BCAR3: variants seen among roughly 807,000 people sequenced by gnomAD.
BCAR3 encodes breast cancer anti-estrogen resistance protein 3.
BCAR3 carries 37 observed loss-of-function variants against 80.1 expected under a neutral mutation model. The ratio of observed to expected loss-of-function variants is 0.46; its 90% CI spans 0.36 to 0.61. The LOEUF (loss-of-function observed/expected upper bound fraction) is 0.61. Among genes scored for constraint, BCAR3 ranks in the 20% least tolerant of loss-of-function variants. BCAR3 has a pLI of 0.00. For synonymous variants in BCAR3, 389 were observed against 418.9 expected, an observed-to-expected ratio of 0.93 and a Z score of 0.87; for missense variants, 978 against 1,068.2, an observed-to-expected ratio of 0.92 and a Z score of 1.18.
intron 2 of BCAR3, among the ~76,000 whole-genome samples, chr1:93,797,323 G>A (rs1231135841): frequency 6.6e-6 from 1 of 152,168 alleles, no homozygotes; most frequent in Non-Finnish European, 1.5e-5. Flanking sequence ...AGGTTGGTAA[G>A]TATCAACTTT....
chr1:93,648,663 C>T (rs1557639243), intron 2 of BCAR3: 1 of 152,168 alleles, frequency 6.6e-6, no homozygotes, highest in Non-Finnish European at 1.5e-5. Flanking sequence ...CTTCCTAATT[C>T]ATAACAGTAC....
intron 2 of BCAR3, among the ~76,000 whole-genome samples, chr1:93,782,449 G>A (rs1289914606): frequency 6.6e-6 from 1 of 152,238 alleles, no homozygotes; most frequent in African/African-American, 2.4e-5. Context: ...CAGCAGTGCT[G>A]ATACTAAGTG....
chr1:93,646,617 A>G (rs917206104), intron 2 of BCAR3: 4 of 152,206 alleles, frequency 2.6e-5, no homozygotes, highest in African/African-American at 9.7e-5. Flanking sequence ...AAAAAAAAAA[A>G]AAAATTATTG....
intron 6 of BCAR3, 57 bp downstream of exon 6, chr1:93,583,961 G>T: frequency 1.3e-6 from 2 of 1,538,668 alleles, no homozygotes; most frequent in Middle Eastern, 1.7e-4. Context: ...CAGGGTAACA[G>T]CCTGAAGGAA....
chr1:93,583,062 AATTTTC>A, intron 6 of BCAR3, 109 bp from the exon 7 acceptor site: 3 of 1,274,870 alleles, frequency 2.4e-6, no homozygotes, highest in South Asian at 1.5e-5. Flanking sequence ...CTTGGGCTTC[AATTTTC>A]ATTTTCATTT....
chr1:93,846,752 C>CGGGCTCG (rs1655215260), intron 1 of BCAR3: 1 of 404,892 alleles, frequency 2.5e-6, no homozygotes. Flanking sequence ...CCCGGGCGCG[C>CGGGCTCG]GGGCTCGGGG....
intron 2 of BCAR3, among the ~76,000 whole-genome samples, chr1:93,804,412 TATA>T (rs1216434498): frequency 2.0e-5 from 3 of 152,176 alleles, no homozygotes; most frequent in Non-Finnish European, 4.4e-5. Context: ...ATAGAACAAT[TATA>T]ATAATATGCT....
intron 2 of BCAR3, among the ~76,000 whole-genome samples, chr1:93,785,342 A>G (rs1470540441): frequency 1.3e-5 from 2 of 152,138 alleles, no homozygotes; most frequent in African/African-American, 4.8e-5. Flanking sequence ...GGTAACAGGG[A>G]GTGGTGGGGA....
chr1:93,708,960 G>A (rs1318193436), intron 2 of BCAR3, among the ~76,000 whole-genome samples: 2 of 152,226 alleles, frequency 1.3e-5, no homozygotes, highest in East Asian at 1.9e-4. Context: ...TCTAAGCTTC[G>A]GGCTTGCAAA....
intron 2 of BCAR3, among the ~76,000 whole-genome samples, chr1:93,727,987 C>T (rs1650651167): frequency 6.6e-6 from 1 of 152,152 alleles, no homozygotes; most frequent in Non-Finnish European, 1.5e-5. Context: ...AAGACCAAGG[C>T]AGGATTGAAG....
chr1:93,740,690 C>T (rs992329233), intron 2 of BCAR3, among the ~76,000 whole-genome samples: 1 of 152,176 alleles, frequency 6.6e-6, no homozygotes. Flanking sequence ...ATCAGTCGCT[C>T]AGCGGAGCAG....
intron 2 of BCAR3, among the ~76,000 whole-genome samples, chr1:93,755,645 C>T (rs1274229577): frequency 2.0e-5 from 3 of 152,098 alleles, no homozygotes; most frequent in Non-Finnish European, 2.9e-5. Flanking sequence ...TGTAAGTGCA[C>T]TTTATGATGT....
chr1:93,569,855 T>G (rs1673137152), intron 9 of BCAR3, among the ~76,000 whole-genome samples: 1 of 152,152 alleles, frequency 6.6e-6, no homozygotes, highest in African/African-American at 2.4e-5. Flanking sequence ...CCACAAAACA[T>G]CTCCTTTACC....
chr1:93,660,864 G>A lies in BCAR3; in HGVS notation c.317+13750C>T, dbSNP rs182982587. On this transcript the variant is annotated intron_variant, in intron 2 of 11. Transcript: ENST00000260502. ...CAAGTAGCTGGGATTACAGGCGCCCGCCACCATGCCTGGATAATTTCTTTT... is the reference window on the plus strand; with the variant it reads ...CAAGTAGCTGGGATTACAGGCGCCCACCACCATGCCTGGATAATTTCTTTT... Among the ~76,000 whole-genome samples the A allele has an allele frequency of 1.9e-3, 284 of 152,072 alleles. 1 individual carries two copies. Among genetic ancestry groups the A allele is most frequent in the African/African-American group, 6.6e-3 (273 of 41,500 alleles).
At chr1:93,799,226 G>A (rs1315369823) in intron 2 of BCAR3, among the ~76,000 whole-genome samples, 1 of 152,174 alleles carries the variant, frequency 6.6e-6, no homozygotes, top group Non-Finnish European at 1.5e-5. Flanking sequence ...TTTTGGGGCT[G>A]GAACACCCAG....
At chr1:93,755,076 A>G (rs1451453566) in intron 2 of BCAR3, among the ~76,000 whole-genome samples, 1 of 152,230 alleles carries the variant, frequency 6.6e-6, no homozygotes, top group Non-Finnish European at 1.5e-5. Flanking sequence ...CAAAAAACTT[A>G]AAAACTAAAA....
chr1:93,587,586 C>T (rs1673996568), intron 5 of BCAR3, among the ~76,000 whole-genome samples: 1 of 152,118 alleles, frequency 6.6e-6, no homozygotes, highest in Admixed American at 6.5e-5. Flanking sequence ...TGTGCCGGAG[C>T]CTCCAGGCAG....
intron 2 of BCAR3, among the ~76,000 whole-genome samples, chr1:93,669,916 T>C (rs1008296666): frequency 1.3e-5 from 2 of 152,042 alleles, no homozygotes; most frequent in Non-Finnish European, 2.9e-5. Flanking sequence ...AATGATACAA[T>C]GGACTTTGGG....
At position 93,654,323 on chromosome 1, in the gene BCAR3, G is replaced by T. The variant is rs964976454; in HGVS notation, c.318-11980C>A. 5.9e-5 allele frequency among the ~76,000 whole-genome samples: 9 copies of T among 152,290 alleles called. No homozygotes were observed. In the South Asian group the frequency reaches 1.9e-3, roughly 32 times the overall value. ...TCTGATGTGAGGGACCCTGCCGCTGGTGCAGTGTTATGAGAAGGCCTATGG... is the reference window on the plus strand; with the variant it reads ...TCTGATGTGAGGGACCCTGCCGCTGTTGCAGTGTTATGAGAAGGCCTATGG... On this transcript the variant is annotated intron_variant, in intron 2 of 11. Coordinates refer to ENST00000260502, the MANE Select transcript of BCAR3 (RefSeq NM_003567.4).
Sources: allele counts gnomAD v4.1 joint callset (sites outside exome capture counted in the v4.1 genomes callset), GRCh38; gene constraint gnomAD v4.1.1; transcripts MANE v1.5; gene names NCBI Gene and HGNC (gene_info 2026-07-23, HGNC 2026-07-21).